Variants in ALDH4A1 observed in about 807,000 individuals in gnomAD.
ALDH4A1 encodes the protein delta-1-pyrroline-5-carboxylate dehydrogenase, mitochondrial.
In ALDH4A1, 46 loss-of-function variants were observed where a neutral mutation model predicts 70.5. The ratio of observed to expected loss-of-function variants is 0.65; its 90% confidence interval spans 0.51 to 0.83. The LOEUF (loss-of-function observed/expected upper bound fraction) is 0.83. Among genes scored for constraint, ALDH4A1 ranks in the 40% least tolerant of loss-of-function variants. The pLI, the probability that ALDH4A1 is intolerant of heterozygous loss-of-function variation, is 0.00. For missense variants in ALDH4A1, 749 were observed against 766.5 expected, an observed-to-expected ratio of 0.98 and a Z score of 0.27; for synonymous variants, 323 against 324.3, an observed-to-expected ratio of 1.00 and a Z score of 0.04.
rs1361997094 is a variant in ALDH4A1 at position 18,872,881 on chromosome 1, C to T, written c.1656G>A (p.Lys552=). 18 of 1,614,102 alleles carry T rather than the reference C, an allele frequency of 1.1e-5. No individual in the cohort carries two copies. The highest frequency in any genetic ancestry group is 1.4e-5 in the Non-Finnish European group (17 of 1,180,022). The change falls in exon 15 of 15, where the codon AAG becomes AAA. Residue 552 remains lysine, a synonymous_variant. Transcript: ENST00000375341. The part of the protein sequence containing the change: ...TSPQVIKETH[K]PLGDWSYAYM... The stretch of plus-strand genomic sequence containing the variant: ...ACGCGTAGCTCCAGTCCCCCAGGGG[C>T]TTATGTGTCTCCTTGATGACCTGCG...
chr1:18,885,443 C>CCCCCCCCCCCCCCCCCCCCCCCCCA, intron 5 of ALDH4A1, 30 bp downstream of exon 5: 1 of 803,766 alleles, frequency 1.2e-6, no homozygotes, highest in Non-Finnish European at 2.0e-6. Context: ...CCCACCCCGC[C>CCCCCCCCCCCCCCCCCCCCCCCCCA]CCACCCACCC....
chr1:18,896,136 T>C (rs1233018572), intron 1 of ALDH4A1, among the ~76,000 whole-genome samples: 4 of 152,016 alleles, frequency 2.6e-5, no homozygotes, highest in Non-Finnish European at 4.4e-5. Context: ...GCTCTAGACT[T>C]TTCTGGAAGC....
chr1:18,887,674 G>A (rs1935271020), intron 3 of ALDH4A1, among the ~76,000 whole-genome samples: 1 of 152,038 alleles, frequency 6.6e-6, no homozygotes, highest in African/African-American at 2.4e-5. Flanking sequence ...TCCCACCGGA[G>A]AGGGCCAAAC....
At chr1:18,899,549 A>G (rs1184639089) in intron 1 of ALDH4A1, among the ~76,000 whole-genome samples, 1 of 152,194 alleles carries the variant, frequency 6.6e-6, no homozygotes, top group Non-Finnish European at 1.5e-5. Flanking sequence ...AAAAAACAGG[A>G]AGTCAGGGTT....
At chr1:18,902,434 G>A (rs1251382442) in intron 1 of ALDH4A1, 28 bp downstream of exon 1, 2 of 1,317,624 alleles carry the variant, frequency 1.5e-6, no homozygotes, top group Admixed American at 4.0e-5. Flanking sequence ...CGCGCGCTCG[G>A]GCCGCCCCGG....
rs771272305 is a variant in ALDH4A1 at position 18,880,699 on chromosome 1, G to C, written c.866+1001C>G. The stretch of plus-strand genomic sequence containing the variant: ...CCAGTGGTACCACCAGGAAATGCAA[G>C]ATCAGAGCATCCAGGTCCAGGGGAC... On this transcript the variant is annotated intron_variant, in intron 8 of 14. Coordinates refer to ENST00000375341, the MANE Select transcript of ALDH4A1 (RefSeq NM_003748.4). The surrounding 1 kb of genome is among the most constrained non-coding windows in gnomAD (Gnocchi z 5.1). Among the ~76,000 whole-genome samples the C allele has an allele frequency of 1.1e-4, 16 of 152,200 alleles. No homozygotes were observed. Among genetic ancestry groups the C allele is most frequent in the Non-Finnish European group, 2.1e-4 (14 of 68,034 alleles).
intron 9 of ALDH4A1, among the ~76,000 whole-genome samples, chr1:18,878,680 T>C (rs1934832996): frequency 6.6e-6 from 1 of 152,180 alleles, no homozygotes; most frequent in Non-Finnish European, 1.5e-5. Context: ...GCAGACCTTG[T>C]CCTTGAAGAT....
At chr1:18,889,938 C>G (rs1238179346) in intron 2 of ALDH4A1, 74 bp downstream of exon 2, 1 of 1,293,870 alleles carries the variant, frequency 7.7e-7, no homozygotes, top group East Asian at 2.5e-5. Flanking sequence ...GCACGGGGCG[C>G]TATCTCAGGG....
intron 7 of ALDH4A1, chr1:18,882,500 G>A (rs186551448): frequency 4.3e-5 from 22 of 509,456 alleles, no homozygotes; most frequent in Non-Finnish European, 6.1e-5. Context: ...ACCTCACTCC[G>A]ATAATGGCAG....
intron 5 of ALDH4A1, 87 bp downstream of exon 5, chr1:18,885,386 C>T: frequency 7.1e-7 from 1 of 1,408,634 alleles, no homozygotes; most frequent in Non-Finnish European, 9.6e-7. Context: ...CCCAGAAGCG[C>T]TTCAGCTGAT....
At chr1:18,894,440 G>A (rs561664840) in intron 1 of ALDH4A1, among the ~76,000 whole-genome samples, 27 of 152,254 alleles carry the variant, frequency 1.8e-4, no homozygotes, top group Non-Finnish European at 3.2e-4. Flanking sequence ...CTACTCAGGA[G>A]GCTGAGGCAG....
Position 18,877,632 on chromosome 1 carries a change from G to T in ALDH4A1, c.941-20C>A. On this transcript the variant is annotated intron_variant, in intron 9 of 14. Transcript: ENST00000375341. ...CGCACTCTACAGGGGTCGGGGGTGGGGAAATGACCAGAGGAGCTGGCTCCC... is the reference window on the plus strand; with the variant it reads ...CGCACTCTACAGGGGTCGGGGGTGGTGAAATGACCAGAGGAGCTGGCTCCC... 4.6e-5 allele frequency: 31 copies of T among 675,430 alleles called. No individual in the cohort carries two copies. The highest frequency in any genetic ancestry group is 6.6e-5 in the Non-Finnish European group (25 of 377,098). The allele number at this position is 675,430 out of a possible 1,614,324, so 41.8% of individuals were successfully genotyped here. A position where few individuals can be genotyped will look rare whatever the true frequency, so the allele number is the denominator to read the frequency against.
chr1:18,886,213 T>C (rs145034077), intron 4 of ALDH4A1, among the ~76,000 whole-genome samples: 21 of 152,248 alleles, frequency 1.4e-4, no homozygotes, highest in Non-Finnish European at 2.2e-4. Flanking sequence ...ACAATGGGCA[T>C]GTCTGGGAAT....
In ALDH4A1 at chr1:18,902,491, G is replaced by A; in HGVS notation, c.33C>T (p.Ala11=). The A allele has an allele frequency of 2.0e-6, 3 of 1,476,376 alleles. No individual in the cohort carries two copies. The highest frequency in any genetic ancestry group is 1.3e-5 in the South Asian group (1 of 77,134). 91.5% of individuals were successfully genotyped at this position (1,476,376 alleles called of 1,614,324 possible). MLLPAPALRR[A]LLSRPWTGAG... is the part of the protein sequence containing the mutation. The stretch of plus-strand genomic sequence containing the variant: ...CCCCGGTCCAGGGGCGGGACAGCAG[G>A]GCGCGGCGGAGCGCGGGCGCCGGCA... Residue 11 remains alanine (A), a synonymous_variant, in exon 1 of 15, where the codon GCC becomes GCT. Coordinates refer to ENST00000375341, the MANE Select transcript of ALDH4A1 (RefSeq NM_003748.4).
chr1:18,885,445 C>CCCCCCCCCCCCCCCT, intron 5 of ALDH4A1, 28 bp downstream of exon 5: 1 of 951,066 alleles, frequency 1.1e-6, no homozygotes, highest in Non-Finnish European at 1.6e-6. Context: ...CACCCCGCCC[C>CCCCCCCCCCCCCCCT]ACCCACCCGG....
rs1935170908 is a variant in ALDH4A1 at position 18,885,631 on chromosome 1, A to G, written c.298-3T>C. 1 of 1,613,768 alleles carries G rather than the reference A, an allele frequency of 6.2e-7. No individual in the cohort carries two copies. Among genetic ancestry groups the G allele is most frequent in the Non-Finnish European group, 8.5e-7 (1 of 1,180,000 alleles). ...TCAATGGCTTTGTTGAGCAGGCTCTAAAGGGAGAGGGAGAGGTTGGGGACT... is the reference window on the plus strand; with the variant it reads ...TCAATGGCTTTGTTGAGCAGGCTCTGAAGGGAGAGGGAGAGGTTGGGGACT... On this transcript the variant is annotated splice_polypyrimidine_tract_variant and splice_region_variant and intron_variant, in intron 4 of 14. Coordinates refer to ENST00000375341, the MANE Select transcript of ALDH4A1 (RefSeq NM_003748.4).
chr1:18,899,249 A>G (rs7518631), intron 1 of ALDH4A1, among the ~76,000 whole-genome samples: 16,623 of 152,240 alleles, frequency 0.11, 1,669 homozygotes, highest in African/African-American at 0.27. Context: ...TGGGCAGACT[A>G]GGAAAAGCAT....
chr1:18,898,042 G>T lies in ALDH4A1; in HGVS notation c.62+4420C>A, dbSNP rs1255596591. ...TCAAAACCCTAACAGAAGGTCGGAC[G>T]CAGTGGCTCACGCCTATAATCCCAG... On this transcript the variant is annotated intron_variant, in intron 1 of 14. Coordinates refer to ENST00000375341, the MANE Select transcript of ALDH4A1 (RefSeq NM_003748.4). This position sits in a 1 kb window ranked among gnomAD's most constrained non-coding sequence, Gnocchi z 4.3. 6.6e-6 allele frequency among the ~76,000 whole-genome samples: 1 copy of T among 152,112 alleles called. No homozygotes were observed. Among genetic ancestry groups the T allele is most frequent in the Non-Finnish European group, 1.5e-5 (1 of 68,018 alleles).
chr1:18,895,646 A>G (rs28755825), intron 1 of ALDH4A1, among the ~76,000 whole-genome samples: 12,250 of 152,230 alleles, frequency 0.08, 748 homozygotes, highest in African/African-American at 0.17. Flanking sequence ...GCCAGGCACC[A>G]TTTCACCTTC....
Sources: allele counts gnomAD v4.1 joint callset (sites outside exome capture counted in the v4.1 genomes callset), GRCh38; gene constraint gnomAD v4.1.1; non-coding constraint Gnocchi (gnomAD v3.1); transcripts MANE v1.5; gene names NCBI Gene and HGNC (gene_info 2026-07-23, HGNC 2026-07-21).